The following MYO18B variants were observed in gnomAD, a reference collection of about 807,000 sequenced individuals.
MYO18B encodes the protein myosin XVIIIB.
In MYO18B, 204 loss-of-function variants were observed where a neutral mutation model predicts 273.0. The observed-to-expected ratio is 0.75, with a 90% CI of 0.67 to 0.84. MYO18B has a LOEUF of 0.84. MYO18B is among the 40% of genes least tolerant of loss of function. The pLI is 0.00. For missense variants in MYO18B, 3,212 were observed against 3,287.6 expected (o/e 0.98, Z 0.56); for synonymous variants, 1,330 against 1,305.7 (o/e 1.02, Z -0.40).
rs780706076 is a variant in MYO18B at position 26,027,418 on chromosome 22, C to G, written c.7444C>G (p.Arg2482Gly). ...CCACTTTGAAACGGAAGAGGCTAAC[C>G]GTTCCTTTCTCTCGGGGATCAAGAC... Reference protein sequence around the residue: ...SIHFETEEANRSFLSGIKTIL... With the variant: ...SIHFETEEANGSFLSGIKTIL... Residue 2482 changes from arginine to glycine, a missense_variant, in exon 43 of 44, where the codon CGT becomes GGT. By Grantham distance (125) the Arg-to-Gly change is moderately radical. Coordinates refer to ENST00000335473, the MANE Select transcript of MYO18B (RefSeq NM_032608.7). The surrounding 1 kb of genome is among the most constrained non-coding windows in gnomAD (Gnocchi z 4.1). The G allele has an allele frequency of 1.2e-6, 2 of 1,613,962 alleles. No individual in the cohort carries two copies. The highest frequency in any genetic ancestry group is 3.3e-5 in the Admixed American group (2 of 60,022).
At chr22:25,827,177 T>A (rs1295947647) in intron 14 of MYO18B, among the ~76,000 whole-genome samples, 2 of 152,220 alleles carry the variant, frequency 1.3e-5, no homozygotes, top group Admixed American at 6.5e-5. Context: ...TTGTGTAACC[T>A]GCTTTGCATC....
rs34431605 is a variant in MYO18B, at chr22:25,997,978, C to CACGAGAGA, written c.6288-5287_6288-5286insACGAGAGA. On this transcript the variant is annotated intron_variant, in intron 40 of 43. Coordinates refer to ENST00000335473, the MANE Select transcript of MYO18B (RefSeq NM_032608.7). ...ACACAAACACACACACACACACACA[C>CACGAGAGA]GAGAGAGAGAGAGAGAGAGAGAGAT... Among the ~76,000 whole-genome samples, 442 of 144,620 alleles carry CACGAGAGA rather than the reference C, an allele frequency of 3.1e-3. 4 individuals carry two copies. Among genetic ancestry groups the CACGAGAGA allele is most frequent in the African/African-American group, 0.011 (420 of 37,912 alleles). 94.9% of individuals were successfully genotyped at this position (144,620 alleles called of 152,430 possible). A position where few individuals can be genotyped will look rare whatever the true frequency, so the allele number is the denominator to read the frequency against.
chr22:25,959,550 A>G (rs1452316677), intron 39 of MYO18B, among the ~76,000 whole-genome samples: 1 of 152,192 alleles, frequency 6.6e-6, no homozygotes, highest in African/African-American at 2.4e-5. Context: ...TGCTAGGATT[A>G]TAAGCATGTC....
chr22:25,858,278 CAT>C (rs1380631787), intron 21 of MYO18B, among the ~76,000 whole-genome samples: 1 of 152,176 alleles, frequency 6.6e-6, no homozygotes, highest in Non-Finnish European at 1.5e-5. Flanking sequence ...CCATAGGCAA[CAT>C]ATAGTATGGC....
chr22:25,992,384 G>A lies in MYO18B; in HGVS notation c.6178G>A (p.Ala2060Thr), dbSNP rs2146850947. 1 of 1,614,028 alleles carries A rather than the reference G, an allele frequency of 6.2e-7. No individual in the cohort carries two copies. The highest frequency in any genetic ancestry group is 2.2e-5 in the East Asian group (1 of 44,878). ...CCAGGAGAAGTACGTGGAGGAACTT[G>A]CAGCAGTGAGGCAAACCCTCCAGAC... ...MELEKYVEEL[A>T]AVRQTLQTDL... The change falls in exon 40 of 44, where the codon GCA becomes ACA. Residue 2060 changes from alanine to threonine, a missense_variant. By Grantham distance (58) the Ala-to-Thr change is moderately conservative. Transcript: ENST00000335473.
At position 25,931,609 on chromosome 22, in the gene MYO18B, G is replaced by A. The variant is rs573733878; in HGVS notation, c.5517+10200G>A. On this transcript the variant is annotated intron_variant, in intron 34 of 43. Transcript: ENST00000335473. Reference sequence around the variant, plus strand: ...CTCAGTGAATGAGTGGGGAGAGACCGGACAGGTGGTGGCCAGACTCCAGAG... The same window carrying A: ...CTCAGTGAATGAGTGGGGAGAGACCAGACAGGTGGTGGCCAGACTCCAGAG... Among the ~76,000 whole-genome samples the A allele has an allele frequency of 1.4e-4, 22 of 152,174 alleles. No homozygotes were observed. The South Asian group carries it at 2.9e-3, about 20-fold the overall frequency.
At chr22:25,989,564 C>G (rs1198976508) in intron 39 of MYO18B, among the ~76,000 whole-genome samples, 2 of 140,174 alleles carry the variant, frequency 1.4e-5, no homozygotes, top group Admixed American at 7.9e-5. Flanking sequence ...GGGTGGATCA[C>G]GAGGTCAGGA....
At chr22:25,843,698 C>T (rs762902303) in intron 17 of MYO18B, 37 bp from the exon 18 acceptor site, 18 of 1,588,558 alleles carry the variant, frequency 1.1e-5, no homozygotes, top group Non-Finnish European at 1.6e-5. Flanking sequence ...GTGTCCTCAA[C>T]AGGCTCCAGC....
chr22:25,848,134 A>G (rs889709213), intron 20 of MYO18B, among the ~76,000 whole-genome samples: 1 of 152,152 alleles, frequency 6.6e-6, no homozygotes, highest in South Asian at 2.1e-4. Context: ...ATGAATTTCT[A>G]AGGAGCATTG....
In MYO18B at chr22:26,003,310, G is replaced by A. The variant is rs1278887362; in HGVS notation, c.6332+1G>A. On this transcript the variant is annotated splice_donor_variant, in intron 41 of 43. Coordinates refer to ENST00000335473, the MANE Select transcript of MYO18B (RefSeq NM_032608.7). LOFTEE classifies it high-confidence loss of function. ...GTGGCAGCAGCGGCCGAAAAGAGAT[G>A]TAAGTTAACCCCAGGTAGAACTGAG... is the stretch of plus-strand genomic sequence containing the variant. 6.2e-7 allele frequency: 1 copy of A among 1,605,838 alleles called. No homozygotes were observed. Among genetic ancestry groups the A allele is most frequent in the Non-Finnish European group, 8.5e-7 (1 of 1,176,356 alleles).
At chr22:25,753,692 C>A (rs113921993) in intron 1 of MYO18B, among the ~76,000 whole-genome samples, 32 of 152,322 alleles carry the variant, frequency 2.1e-4, no homozygotes, top group African/African-American at 7.2e-4. Flanking sequence ...GGAGGAACGA[C>A]CAACTCCAGA....
intron 12 of MYO18B, among the ~76,000 whole-genome samples, chr22:25,823,091 T>C (rs2089344782): frequency 6.6e-6 from 1 of 152,138 alleles, no homozygotes; most frequent in African/African-American, 2.4e-5. Flanking sequence ...GGAGTAGTAG[T>C]GGTCTCCTTC....
intron 40 of MYO18B, among the ~76,000 whole-genome samples, chr22:25,996,321 C>A (rs974076357): frequency 7.7e-4 from 118 of 152,274 alleles, no homozygotes; most frequent in African/African-American, 2.6e-3. Flanking sequence ...TAAAGTTTTA[C>A]TGAGCACCTG....
At chr22:25,930,427 T>C (rs2092481781) in intron 34 of MYO18B, among the ~76,000 whole-genome samples, 1 of 151,608 alleles carries the variant, frequency 6.6e-6, no homozygotes, top group Admixed American at 6.6e-5. Context: ...CCGACTCAGG[T>C]ACCTGGGAAT....
chr22:25,780,844 A>T (rs2087118585), intron 9 of MYO18B, among the ~76,000 whole-genome samples: 1 of 152,072 alleles, frequency 6.6e-6, no homozygotes. Flanking sequence ...CGCAAGTTGA[A>T]ATTAAACAGA....
intron 40 of MYO18B, among the ~76,000 whole-genome samples, chr22:26,000,008 A>T (rs1356477989): frequency 6.6e-6 from 1 of 152,186 alleles, no homozygotes; most frequent in Admixed American, 6.5e-5. Context: ...CACTGACCGC[A>T]TGTCAGGAGA....
chr22:25,997,514 C>T (rs1180007909), intron 40 of MYO18B, among the ~76,000 whole-genome samples: 3 of 151,944 alleles, frequency 2.0e-5, no homozygotes, highest in African/African-American at 7.3e-5. Flanking sequence ...GGCCTTGATC[C>T]TAATATGTTG....
At chr22:25,847,088 A>AAT (rs1569104338) in intron 19 of MYO18B, among the ~76,000 whole-genome samples, 2 of 151,502 alleles carry the variant, frequency 1.3e-5, no homozygotes, top group Admixed American at 6.6e-5. Flanking sequence ...CAAAAAAAAA[A>AAT]AAATAAAGAA....
At chr22:25,930,316 C>G (rs575164695) in intron 34 of MYO18B, among the ~76,000 whole-genome samples, 1 of 151,932 alleles carries the variant, frequency 6.6e-6, no homozygotes, top group African/African-American at 2.4e-5. Context: ...TTTCTAAACC[C>G]TTAAAGGCAG....
Sources: allele counts gnomAD v4.1 joint callset (sites outside exome capture counted in the v4.1 genomes callset), GRCh38; gene constraint gnomAD v4.1.1; non-coding constraint Gnocchi (gnomAD v3.1); transcripts MANE v1.5; gene names NCBI Gene and HGNC (gene_info 2026-07-23, HGNC 2026-07-21).